Variants in DHTKD1 observed in about 807,000 individuals in gnomAD.
DHTKD1 encodes the protein dehydrogenase E1 and transketolase domain containing 1.
Under a neutral mutation model 101.8 loss-of-function variants are expected in DHTKD1, and 78 were observed. The ratio of observed to expected loss-of-function variants is 0.77; its 90% CI spans 0.64 to 0.93. DHTKD1 has a LOEUF of 0.93. Ranked by LOEUF, DHTKD1 falls within the 40% of genes least tolerant of loss-of-function variation. The pLI is 0.00. For synonymous variants in DHTKD1, 462 were observed against 450.3 expected, an observed-to-expected ratio of 1.03 and a Z score of -0.33; for missense variants, 1,223 against 1,161.7, an observed-to-expected ratio of 1.05 and a Z score of -0.77.
In DHTKD1 at chr10:12,117,665, C is replaced by T; in HGVS notation, c.2320-8C>T. On this transcript the variant is annotated splice_polypyrimidine_tract_variant and splice_region_variant and intron_variant, in intron 13 of 16. Coordinates refer to ENST00000263035, the MANE Select transcript of DHTKD1 (RefSeq NM_018706.7). ...CTTGCTGGATGTGTGGCCTCTTCTC[C>T]CTCGTAGGCAGCCGTGTCAACTCTT... 7 of 1,569,176 alleles carry T rather than the reference C, an allele frequency of 4.5e-6. No individual in the cohort carries two copies. Among genetic ancestry groups the T allele is most frequent in the Non-Finnish European group, 6.1e-6 (7 of 1,146,770 alleles).
rs3995755 is a variant in DHTKD1 at position 12,110,739 on chromosome 10, T to C, written c.2155-2161T>C. ...TCCTGTACAGTAGATCTCCAGAACT[T>C]ATTCAAGGGAGGAAAGTTGGCCTAG... On this transcript the variant is annotated intron_variant, in intron 12 of 16. Transcript: ENST00000263035. The surrounding 1 kb of genome is among the most constrained non-coding windows in gnomAD (Gnocchi z 4.9). 0.083 allele frequency among the ~76,000 whole-genome samples: 12,602 copies of C among 152,062 alleles called. 635 individuals carry two copies. The highest frequency in any genetic ancestry group is 0.12 in the Non-Finnish European group (7,937 of 67,992).
intron 10 of DHTKD1, 63 bp from the exon 11 acceptor site, chr10:12,106,183 C>T: frequency 6.4e-7 from 1 of 1,570,922 alleles, no homozygotes. Flanking sequence ...GATAAGTTCG[C>T]AGGAGCCCAG....
At chr10:12,116,946 C>T (rs1041585878) in intron 13 of DHTKD1, among the ~76,000 whole-genome samples, 13 of 152,062 alleles carry the variant, frequency 8.5e-5, no homozygotes, top group Non-Finnish European at 1.9e-4. Context: ...AGCAATCCAC[C>T]TGCCTCAGCC....
chr10:12,082,540 C>T (rs1435913135), intron 2 of DHTKD1, among the ~76,000 whole-genome samples: 1 of 152,070 alleles, frequency 6.6e-6, no homozygotes, highest in Non-Finnish European at 1.5e-5. Flanking sequence ...TTTAAACCCT[C>T]AATGATCATT....
intron 15 of DHTKD1, among the ~76,000 whole-genome samples, chr10:12,119,387 G>C (rs776777184): frequency 1.3e-5 from 2 of 151,500 alleles, no homozygotes; most frequent in Non-Finnish European, 2.9e-5. Flanking sequence ...AGGCCGAGGT[G>C]GGCGGATCAC....
chr10:12,113,778 G>T (rs1052051191), intron 13 of DHTKD1, among the ~76,000 whole-genome samples: 1 of 151,984 alleles, frequency 6.6e-6, no homozygotes, highest in Non-Finnish European at 1.5e-5. Context: ...AAAATTGGCC[G>T]GTGTGGTGGC....
chr10:12,092,791 G>A (rs61844353), intron 6 of DHTKD1, among the ~76,000 whole-genome samples: 86,709 of 151,346 alleles, frequency 0.57, 27,065 homozygotes, highest in South Asian at 0.81. Context: ...CAACAAGAGC[G>A]AAACTCCATC....
In DHTKD1 at chr10:12,110,929, C is replaced by T. The variant is rs975424791; in HGVS notation, c.2155-1971C>T. Among the ~76,000 whole-genome samples the T allele has an allele frequency of 7.3e-5, 11 of 151,328 alleles. No homozygotes were observed. The highest frequency in any genetic ancestry group is 2.4e-4 in the African/African-American group (10 of 41,184). On this transcript the variant is annotated intron_variant, in intron 12 of 16. Coordinates refer to ENST00000263035, the MANE Select transcript of DHTKD1 (RefSeq NM_018706.7). The surrounding 1 kb of genome is among the most constrained non-coding windows in gnomAD (Gnocchi z 4.9). ...TGGGTGGTGGTGCGTGCCCATAATC[C>T]TCACTACTTGGGAGGCTGAGGTGGG...
intron 1 of DHTKD1, among the ~76,000 whole-genome samples, chr10:12,073,407 C>T (rs1340721478): frequency 2.6e-5 from 4 of 151,730 alleles, no homozygotes; most frequent in Admixed American, 2.6e-4. Context: ...AGTGCAGTGG[C>T]ATGATCTCAG....
intron 1 of DHTKD1, among the ~76,000 whole-genome samples, chr10:12,080,779 GA>G (rs1375742182): frequency 6.6e-6 from 1 of 151,790 alleles, no homozygotes; most frequent in African/African-American, 2.4e-5. Flanking sequence ...TCTGGGTTCT[GA>G]AAATAAAAAC....
In DHTKD1 at chr10:12,110,158, C is replaced by T. The variant is rs1209226501; in HGVS notation, c.2154+2143C>T. Among the ~76,000 whole-genome samples, 1 of 152,116 alleles carries T rather than the reference C, an allele frequency of 6.6e-6. No homozygotes were observed. The highest frequency in any genetic ancestry group is 1.9e-4 in the East Asian group (1 of 5,186). On this transcript the variant is annotated intron_variant, in intron 12 of 16. Transcript: ENST00000263035. This position sits in a 1 kb window ranked among gnomAD's most constrained non-coding sequence, Gnocchi z 4.9. ...CTAAAAATACAAAAAATTAGCCGGGCACGGTGGCAGGCACCTGTAGTCCCA... is the reference window on the plus strand; with the variant it reads ...CTAAAAATACAAAAAATTAGCCGGGTACGGTGGCAGGCACCTGTAGTCCCA...
At chr10:12,112,409 C>T (rs1833347295) in intron 12 of DHTKD1, among the ~76,000 whole-genome samples, 1 of 152,198 alleles carries the variant, frequency 6.6e-6, no homozygotes, top group Non-Finnish European at 1.5e-5. Flanking sequence ...AGCTTTCTGT[C>T]CCACCAGGAT....
Position 12,119,314 on chromosome 10 carries a change from A to G in DHTKD1, c.2572+396A>G, listed in dbSNP as rs897800086. On this transcript the variant is annotated intron_variant, in intron 15 of 16. Transcript: ENST00000263035. ...GACTCTGTGTCAAAAAAAGACACAA[A>G]AACATGAAAATTTGGTACAGGCGGG... Among the ~76,000 whole-genome samples the G allele has an allele frequency of 4.9e-5, 7 of 142,570 alleles. No individual in the cohort carries two copies. In the Admixed American group the frequency reaches 5.0e-4, roughly 10 times the overall value. 93.5% of individuals were successfully genotyped at this position (142,570 alleles called of 152,430 possible). A position where few individuals can be genotyped will look rare whatever the true frequency, so the allele number is the denominator to read the frequency against.
chr10:12,119,566 A>G (rs1833488303), intron 15 of DHTKD1, among the ~76,000 whole-genome samples: 1 of 145,394 alleles, frequency 6.9e-6, no homozygotes, highest in Non-Finnish European at 1.5e-5. Flanking sequence ...CAGTGAGCCG[A>G]GATTGCGCTA....
intron 1 of DHTKD1, among the ~76,000 whole-genome samples, chr10:12,072,608 C>G (rs1832668294): frequency 6.6e-6 from 1 of 152,116 alleles, no homozygotes; most frequent in Admixed American, 6.6e-5. Context: ...TTCTTTGTAA[C>G]TAGGTATTTG....
At position 12,103,210 on chromosome 10, in the gene DHTKD1, ACT is replaced by A. The variant is rs1380363497; in HGVS notation, c.1896+2032_1896+2033del. Among the ~76,000 whole-genome samples, 1 of 152,056 alleles carries A rather than the reference ACT, an allele frequency of 6.6e-6. No individual in the cohort carries two copies. Among genetic ancestry groups the A allele is most frequent in the Non-Finnish European group, 1.5e-5 (1 of 68,028 alleles). ...CCTCCAGTTTGGGCAACAGAGCAAG[ACT>A]CTGTCTCAAATAATAATAAGAGTAA... On this transcript the variant is annotated intron_variant, in intron 10 of 16. Coordinates refer to ENST00000263035, the MANE Select transcript of DHTKD1 (RefSeq NM_018706.7). This position sits in a 1 kb window ranked among gnomAD's most constrained non-coding sequence, Gnocchi z 4.8.
intron 2 of DHTKD1, among the ~76,000 whole-genome samples, chr10:12,082,566 G>T (rs548828519): frequency 2.7e-4 from 41 of 151,630 alleles, no homozygotes; most frequent in Admixed American, 5.9e-4. Context: ...GTCTCTTAGG[G>T]TTCGGGGGGT....
At chr10:12,071,679 G>A (rs1012640798) in intron 1 of DHTKD1, among the ~76,000 whole-genome samples, 2 of 152,050 alleles carry the variant, frequency 1.3e-5, no homozygotes, top group East Asian at 3.9e-4. Flanking sequence ...TGTAATCCCC[G>A]CACTTTGGGA....
rs761228933 is a variant in DHTKD1 at position 12,118,732 on chromosome 10, C to T, written c.2403-17C>T. The T allele has an allele frequency of 1.3e-6, 2 of 1,487,560 alleles. No individual in the cohort carries two copies. The highest frequency in any genetic ancestry group is 1.8e-6 in the Non-Finnish European group (2 of 1,115,302). The allele number at this position is 1,487,560 out of a possible 1,614,324, so 92.1% of individuals were successfully genotyped here. A position where few individuals can be genotyped will look rare whatever the true frequency, so the allele number is the denominator to read the frequency against. ...AAAATTTCTCCCCCACCCTATTGTT[C>T]CTTTTCTGTCCAACAGGGTTAAGAC... On this transcript the variant is annotated splice_polypyrimidine_tract_variant and intron_variant, in intron 14 of 16. Coordinates refer to ENST00000263035, the MANE Select transcript of DHTKD1 (RefSeq NM_018706.7).
Sources: gnomAD v4.1 joint callset for allele counts (sites outside exome capture counted in the v4.1 genomes callset) on GRCh38, gnomAD v4.1.1 for gene constraint, Gnocchi (gnomAD v3.1) non-coding constraint, MANE v1.5 for transcripts, NCBI Gene and HGNC (gene_info 2026-07-23, HGNC 2026-07-21) for gene names.